The following GARIN2 variants were observed in gnomAD, a reference collection of about 807,000 sequenced individuals.
GARIN2 encodes the protein Golgi-associated RAB2 interactor protein 2.
At chr14:67,223,817 A>G in the GARIN2 span, 1 of 985,662 alleles carries the variant, frequency 1.0e-6, no homozygotes, top group Admixed American at 6.2e-5. Flanking sequence ...CTCTCCTCTA[A>G]ATCACCTGTT....
the GARIN2 span, among the ~76,000 whole-genome samples, chr14:67,213,380 G>T: frequency 2.3e-5 from 3 of 129,518 alleles, no homozygotes; most frequent in Admixed American, 9.5e-5. Context: ...TGTTCTCATT[G>T]TTCAATTCCC....
At chr14:67,225,337 A>AAAGATCCCACTTAT in the GARIN2 span, 1 of 990,362 alleles carries the variant, frequency 1.0e-6, no homozygotes, top group Non-Finnish European at 1.4e-6. Flanking sequence ...AAAGTTGTTA[A>AAAGATCCCACTTAT]TAAGTGGGAT....
the GARIN2 span, chr14:67,204,955 G>A: frequency 1.9e-6 from 3 of 1,605,112 alleles, no homozygotes; most frequent in East Asian, 6.7e-5. Flanking sequence ...GGTCCCGGAT[G>A]TAAGAATTGT....
the GARIN2 span, among the ~76,000 whole-genome samples, chr14:67,211,252 A>T: frequency 6.6e-6 from 1 of 152,298 alleles, no homozygotes; most frequent in Non-Finnish European, 1.5e-5. Flanking sequence ...GATATAGATA[A>T]AATATAGGTG....
chr14:67,217,158 T>G, the GARIN2 span, among the ~76,000 whole-genome samples: 1 of 145,992 alleles, frequency 6.8e-6, no homozygotes, highest in African/African-American at 2.7e-5. Context: ...ATAGAATGAC[T>G]TTCTTCATCT....
At chr14:67,205,168 GACATTGATTATC>G in the GARIN2 span, 1 of 1,363,596 alleles carries the variant, frequency 7.3e-7, no homozygotes, top group Non-Finnish European at 9.8e-7. Context: ...TTGGTTAGCT[GACATTGATTATC>G]AAAATGCTAT....
At chr14:67,226,915 C>G in the GARIN2 span, among the ~76,000 whole-genome samples, 208 of 152,230 alleles carry the variant, frequency 1.4e-3, no homozygotes, top group African/African-American at 4.8e-3. Context: ...CACGTGCTGG[C>G]TCCTACATCC....
At chr14:67,196,723 A>C in the GARIN2 span, 1 of 152,110 alleles carries the variant, frequency 6.6e-6, no homozygotes, top group Admixed American at 6.6e-5. Flanking sequence ...TGAGCTATGG[A>C]CTCATGACTC....
chr14:67,198,245 T>C, the GARIN2 span: 5 of 1,613,926 alleles, frequency 3.1e-6, no homozygotes, highest in East Asian at 6.7e-5. Context: ...ATCCGAGAGA[T>C]CTTCAAAATA....
At chr14:67,206,318 C>T in the GARIN2 span, among the ~76,000 whole-genome samples, 1 of 151,986 alleles carries the variant, frequency 6.6e-6, no homozygotes, top group African/African-American at 2.4e-5. Context: ...GCCAACATGG[C>T]AAAACCCTGT....
At chr14:67,227,045 A>G in the GARIN2 span, among the ~76,000 whole-genome samples, 1 of 152,250 alleles carries the variant, frequency 6.6e-6, no homozygotes, top group Non-Finnish European at 1.5e-5. Flanking sequence ...GGATATATTC[A>G]GCAACAAAAT....
At chr14:67,194,559 G>A in the GARIN2 span, among the ~76,000 whole-genome samples, 3 of 151,992 alleles carry the variant, frequency 2.0e-5, no homozygotes, top group Non-Finnish European at 2.9e-5. Context: ...AGGCTAGAGT[G>A]CAGTGGCACA....
At chr14:67,212,281 G>A in the GARIN2 span, among the ~76,000 whole-genome samples, 1 of 151,982 alleles carries the variant, frequency 6.6e-6, no homozygotes, top group Non-Finnish European at 1.5e-5. Context: ...AGAAAAAAAT[G>A]TATCTTCTTT....
At chr14:67,194,501 G>A in the GARIN2 span, among the ~76,000 whole-genome samples, 1 of 152,038 alleles carries the variant, frequency 6.6e-6, no homozygotes, top group African/African-American at 2.4e-5. Context: ...TGTTTTAAGA[G>A]CCTAAACTAT....
the GARIN2 span, chr14:67,228,267 C>A: frequency 4.7e-6 from 1 of 211,874 alleles, no homozygotes; most frequent in Non-Finnish European, 8.0e-6. Context: ...TTTTTTATAT[C>A]AAGAAGAAAA....
the GARIN2 span, chr14:67,200,367 CT>C: frequency 1.6e-6 from 1 of 627,114 alleles, no homozygotes; most frequent in East Asian, 3.2e-5. Flanking sequence ...TTCCCAATAT[CT>C]TTTCGATACC....
the GARIN2 span, among the ~76,000 whole-genome samples, chr14:67,219,513 C>CT: frequency 6.6e-6 from 1 of 152,182 alleles, no homozygotes; most frequent in Non-Finnish European, 1.5e-5. Context: ...AGTCAGCCAT[C>CT]TTGCTGACAT....
the GARIN2 span, among the ~76,000 whole-genome samples, chr14:67,203,952 T>C: frequency 6.6e-6 from 1 of 152,174 alleles, no homozygotes; most frequent in Non-Finnish European, 1.5e-5. Context: ...CCTCAGGTGA[T>C]CCACCCGCCT....
chr14:67,199,066 C>A, the GARIN2 span: 1 of 850,988 alleles, frequency 1.2e-6, no homozygotes. Context: ...TTTGCCATGG[C>A]TACCAGGCCG....
Sources: allele counts gnomAD v4.1 joint callset (sites outside exome capture counted in the v4.1 genomes callset), GRCh38; gene constraint gnomAD v4.1.1; transcripts MANE v1.5; gene names NCBI Gene and HGNC (gene_info 2026-07-23, HGNC 2026-07-21).